The following ABHD5 variants were observed in gnomAD, a reference collection of about 807,000 sequenced individuals.
ABHD5 encodes the protein abhydrolase domain containing 5, lysophosphatidic acid acyltransferase.
In ABHD5, 30 loss-of-function variants were observed where a neutral mutation model predicts 44.9. The ratio of observed to expected loss-of-function variants is 0.67; its 90% confidence interval spans 0.50 to 0.91. The LOEUF (loss-of-function observed/expected upper bound fraction) is 0.91, where lower values mean the gene tolerates loss of function less well. ABHD5 is among the 40% of genes least tolerant of loss of function. The pLI, the probability that ABHD5 is intolerant of heterozygous loss-of-function variation, is 0.00. For missense variants in ABHD5, 399 were observed against 423.4 expected, an observed-to-expected ratio of 0.94 and a Z score of 0.50; for synonymous variants, 167 against 147.0, an observed-to-expected ratio of 1.14 and a Z score of -0.99.
In ABHD5 at chr3:43,711,675, C is replaced by T. The variant is rs545660651; in HGVS notation, c.507-34C>T. Reference sequence around the variant, plus strand: ...CTTTATAGTCTTAGGGTGATTTTACCAAATGAACTTAAATATATTCTTTCC... The same window carrying T: ...CTTTATAGTCTTAGGGTGATTTTACTAAATGAACTTAAATATATTCTTTCC... On this transcript the variant is annotated intron_variant, in intron 3 of 6. Coordinates refer to ENST00000644371, the MANE Select transcript of ABHD5 (RefSeq NM_016006.6). The T allele has an allele frequency of 6.9e-5, 111 of 1,612,668 alleles. 2 individuals are homozygous for T. The South Asian group carries it at 1.1e-3, about 16-fold the overall frequency.
chr3:43,717,937 A>G, intron 6 of ABHD5, 80 bp downstream of exon 6: 2 of 1,576,030 alleles, frequency 1.3e-6, no homozygotes, highest in Non-Finnish European at 8.7e-7. Flanking sequence ...GTTTTAGGTC[A>G]TCCTCGTGTT....
intron 4 of ABHD5, among the ~76,000 whole-genome samples, chr3:43,712,155 G>A (rs2084697599): frequency 6.6e-6 from 1 of 152,158 alleles, no homozygotes; most frequent in African/African-American, 2.4e-5. Flanking sequence ...AGCCAGGCAA[G>A]CAGAGTGTTT....
intron 1 of ABHD5, 112 bp downstream of exon 1, chr3:43,691,151 G>T (rs1312281603): frequency 8.8e-7 from 1 of 1,130,920 alleles, no homozygotes; most frequent in South Asian, 2.5e-5. Context: ...TGGCGACGAC[G>T]GGCGGCTTCC....
At chr3:43,708,868 G>A (rs1047649881) in intron 3 of ABHD5, among the ~76,000 whole-genome samples, 5 of 152,116 alleles carry the variant, frequency 3.3e-5, no homozygotes, top group East Asian at 1.9e-4. Context: ...AGACACCCAT[G>A]CACATATACA....
intron 3 of ABHD5, among the ~76,000 whole-genome samples, chr3:43,704,661 AAT>A (rs986722223): frequency 6.6e-6 from 1 of 152,232 alleles, no homozygotes; most frequent in African/African-American, 2.4e-5. Flanking sequence ...GCTCTAAAGA[AAT>A]AGGGGGCTTC....
intron 6 of ABHD5, 94 bp from the exon 7 acceptor site, chr3:43,718,349 C>G (rs1260838937): frequency 1.0e-6 from 1 of 998,146 alleles, no homozygotes; most frequent in East Asian, 2.4e-5. Flanking sequence ...TACAGTGGCT[C>G]TCACTTTTAT....
chr3:43,702,654 C>T, intron 3 of ABHD5, 67 bp downstream of exon 3: 5 of 1,611,980 alleles, frequency 3.1e-6, no homozygotes, highest in African/African-American at 1.3e-5. Context: ...TAGTTCCCAT[C>T]TTTGGTGGTT....
intron 5 of ABHD5, among the ~76,000 whole-genome samples, 189 bp from the exon 6 acceptor site, chr3:43,717,482 C>T (rs2084779982): frequency 1.3e-5 from 2 of 152,134 alleles, no homozygotes; most frequent in African/African-American, 4.8e-5. Context: ...TATACAACAG[C>T]CTTGCTTATC....
chr3:43,732,755 T>G (rs948404434), intron 7 of ABHD5, among the ~76,000 whole-genome samples: 1 of 152,206 alleles, frequency 6.6e-6, no homozygotes, highest in African/African-American at 2.4e-5. Flanking sequence ...CTGAGCTAGG[T>G]CCTCTGCTTC....
At chr3:43,701,039 C>G (rs2084536223) in intron 2 of ABHD5, among the ~76,000 whole-genome samples, 1 of 152,180 alleles carries the variant, frequency 6.6e-6, no homozygotes, top group Non-Finnish European at 1.5e-5. Flanking sequence ...ATTTAACAGA[C>G]ATAATGATTC....
chr3:43,691,068 T>C lies in ABHD5; in HGVS notation c.47+29T>C, dbSNP rs759244729. 2.0e-6 allele frequency: 3 copies of C among 1,527,316 alleles called. No individual in the cohort carries two copies. The African/African-American group carries it at 4.3e-5, about 22-fold the overall frequency. 94.6% of individuals were successfully genotyped at this position (1,527,316 alleles called of 1,614,324 possible). On this transcript the variant is annotated intron_variant, in intron 1 of 6. Transcript: ENST00000644371. ...AGCGCAGCCGGCAGGGGGCTTCGTGTGTCTCCGGCGCGCACCCTCCGCGCG... is the reference window on the plus strand; with the variant it reads ...AGCGCAGCCGGCAGGGGGCTTCGTGCGTCTCCGGCGCGCACCCTCCGCGCG...
chr3:43,733,798 C>CA (rs1489642667), intron 7 of ABHD5: 7 of 152,168 alleles, frequency 4.6e-5, no homozygotes, highest in African/African-American at 1.7e-4. Flanking sequence ...GTGGTGATTG[C>CA]ATCATGTTAG....
chr3:43,709,418 G>A (rs2084661109), intron 3 of ABHD5, among the ~76,000 whole-genome samples: 1 of 152,198 alleles, frequency 6.6e-6, no homozygotes, highest in Admixed American at 6.5e-5. Flanking sequence ...CCAGAACTAA[G>A]GCAAAAACAG....
At chr3:43,705,318 A>G (rs2084602486) in intron 3 of ABHD5, among the ~76,000 whole-genome samples, 1 of 152,216 alleles carries the variant, frequency 6.6e-6, no homozygotes, top group Non-Finnish European at 1.5e-5. Context: ...CAAAGATTTC[A>G]GTTTTATGCC....
intron 3 of ABHD5, among the ~76,000 whole-genome samples, chr3:43,705,382 G>A (rs930590697): frequency 2.0e-5 from 3 of 152,086 alleles, no homozygotes; most frequent in South Asian, 4.1e-4. Context: ...ACAAGTTACC[G>A]TGGAAATAAA....
chr3:43,703,789 TCAA>T (rs1004592892), intron 3 of ABHD5, among the ~76,000 whole-genome samples: 1 of 152,146 alleles, frequency 6.6e-6, no homozygotes, highest in African/African-American at 2.4e-5. Flanking sequence ...GGGTGTGTGT[TCAA>T]CACAGAATTT....
chr3:43,731,035 A>G (rs946060835), intron 7 of ABHD5, among the ~76,000 whole-genome samples: 1 of 151,628 alleles, frequency 6.6e-6, no homozygotes, highest in African/African-American at 2.4e-5. Context: ...TCACCATGTT[A>G]GCCACGGTGG....
chr3:43,718,609 G>C lies in ABHD5; in HGVS notation c.*77G>C. On this transcript the variant is annotated 3_prime_UTR_variant, in exon 7 of 7. Transcript: ENST00000644371. ...AATAATTCATAGTCTGTGATGAAGA[G>C]TAGTGAATACAACACACAACCAGGC... 4 of 1,386,332 alleles carry C rather than the reference G, an allele frequency of 2.9e-6. No homozygotes were observed. The highest frequency in any genetic ancestry group is 4.1e-6 in the Non-Finnish European group (4 of 973,262). The allele number at this position is 1,386,332 out of a possible 1,614,324, so 85.9% of individuals were successfully genotyped here.
At chr3:43,726,669 C>G (rs1162266676), downstream of ABHD5, among the ~76,000 whole-genome samples, 2 of 152,242 alleles carry the variant, frequency 1.3e-5, no homozygotes, top group African/African-American at 4.8e-5. Context: ...CAAGTGCAGT[C>G]TGTTTCGGCA....
Sources: allele counts gnomAD v4.1 joint callset (sites outside exome capture counted in the v4.1 genomes callset), GRCh38; gene constraint gnomAD v4.1.1; transcripts MANE v1.5; gene names NCBI Gene and HGNC (gene_info 2026-07-23, HGNC 2026-07-21).